The following MGAT5 variants were observed in gnomAD, a reference collection of about 807,000 sequenced individuals.
MGAT5 encodes the protein alpha-1,6-mannosylglycoprotein 6-beta-N-acetylglucosaminyltransferase, also known as alpha-1,6-mannosylglycoprotein 6-beta-N-acetylglucosaminyltransferase A.
In MGAT5, 30 loss-of-function variants were observed where a neutral mutation model predicts 94.3. The observed-to-expected ratio is 0.32, with a 90% CI of 0.24 to 0.43. The LOEUF is 0.43. Among genes scored for constraint, MGAT5 ranks in the 20% least tolerant of loss-of-function variants. MGAT5 has a pLI of 1.00. For synonymous variants in MGAT5, 310 were observed against 322.9 expected (o/e 0.96, Z 0.43); for missense variants, 691 against 905.5 (o/e 0.76, Z 3.04).
chr2:134,387,326 A>AT (rs1207478645), intron 10 of MGAT5, among the ~76,000 whole-genome samples: 43 of 36,736 alleles, frequency 1.2e-3, no homozygotes, highest in African/African-American at 2.1e-3. Flanking sequence ...ATATATATAT[A>AT]TATATATTTT....
chr2:134,199,106 G>GA (rs1312598598), intron 1 of MGAT5, among the ~76,000 whole-genome samples: 10 of 152,204 alleles, frequency 6.6e-5, no homozygotes, highest in African/African-American at 1.9e-4. Flanking sequence ...TGATAGATTT[G>GA]AAAGTAAACA....
chr2:134,393,762 C>T (rs943679016), intron 10 of MGAT5, among the ~76,000 whole-genome samples: 9 of 152,252 alleles, frequency 5.9e-5, no homozygotes, highest in Middle Eastern at 3.4e-3. Context: ...GACTCTGTGC[C>T]GCCATGCTTC....
intron 13 of MGAT5, among the ~76,000 whole-genome samples, chr2:134,426,091 T>C (rs986543922): frequency 2.0e-5 from 3 of 152,146 alleles, no homozygotes; most frequent in Middle Eastern, 6.8e-3. Context: ...CAGTCCACAT[T>C]AACAGCTGTC....
At chr2:134,443,449 C>T (rs545172538) in intron 15 of MGAT5, among the ~76,000 whole-genome samples, 2 of 152,324 alleles carry the variant, frequency 1.3e-5, no homozygotes, top group African/African-American at 4.8e-5. Flanking sequence ...GCCTAGGCCT[C>T]CCAAAGTGCT....
At chr2:134,405,538 T>G (rs546377668) in intron 11 of MGAT5, among the ~76,000 whole-genome samples, 37 of 152,238 alleles carry the variant, frequency 2.4e-4, no homozygotes, top group Non-Finnish European at 4.6e-4. Context: ...TAACCCTTTC[T>G]GTCTCTGACT....
intron 1 of MGAT5, among the ~76,000 whole-genome samples, chr2:134,162,006 C>A (rs939424176): frequency 2.0e-5 from 3 of 151,520 alleles, no homozygotes; most frequent in African/African-American, 7.3e-5. Flanking sequence ...GCCTGGCCAA[C>A]ATGGTGAAAC....
At chr2:134,433,343 G>A (rs1357533837) in intron 14 of MGAT5, among the ~76,000 whole-genome samples, 1 of 152,232 alleles carries the variant, frequency 6.6e-6, no homozygotes, top group Non-Finnish European at 1.5e-5. Flanking sequence ...GGTAGGTGCT[G>A]TTGTGAACAT....
intron 15 of MGAT5, among the ~76,000 whole-genome samples, chr2:134,443,177 GT>G (rs369089887): frequency 3.5e-5 from 3 of 85,760 alleles, no homozygotes; most frequent in African/African-American, 1.4e-4. Context: ...TGTAAGCTAT[GT>G]TTTTTTTTGT....
chr2:134,433,984 CTG>C (rs1685029128), intron 14 of MGAT5, among the ~76,000 whole-genome samples: 1 of 152,092 alleles, frequency 6.6e-6, no homozygotes, highest in Non-Finnish European at 1.5e-5. Context: ...ATTAGTAACT[CTG>C]TGAAAGAGTT....
intron 12 of MGAT5, among the ~76,000 whole-genome samples, chr2:134,414,668 C>G (rs183047610): frequency 7.2e-4 from 110 of 152,290 alleles, no homozygotes; most frequent in South Asian, 1.2e-3. Context: ...GTATGCAATA[C>G]AGTATTGTTA....
At chr2:134,292,037 TG>T (rs1322413146) in intron 2 of MGAT5, among the ~76,000 whole-genome samples, 2 of 152,094 alleles carry the variant, frequency 1.3e-5, no homozygotes, top group Non-Finnish European at 2.9e-5. Flanking sequence ...ATTTTTTTTT[TG>T]TTTAGAGATG....
At chr2:134,233,110 A>G (rs1255530514) in intron 1 of MGAT5, among the ~76,000 whole-genome samples, 2 of 152,214 alleles carry the variant, frequency 1.3e-5, no homozygotes, top group African/African-American at 4.8e-5. Context: ...TTTTCCAGGT[A>G]TGTGTAAATC....
intron 1 of MGAT5, among the ~76,000 whole-genome samples, chr2:134,177,085 G>C (rs1688500861): frequency 7.0e-6 from 1 of 142,416 alleles, no homozygotes. Context: ...CCAGATATCT[G>C]ACCCACTCAT....
rs182264209 is a variant in MGAT5, at chr2:134,448,703, C to T, written c.2082C>T (p.Ser694=). ...SELAKDILVP[S]FDPKNKHCVF... is the part of the protein sequence containing the mutation. Reference sequence around the variant, plus strand: ...TGGCCAAGGACATCCTGGTGCCCTCCTTTGACCCTAAGAATAAGCACTGTG... The same window carrying T: ...TGGCCAAGGACATCCTGGTGCCCTCTTTTGACCCTAAGAATAAGCACTGTG... Residue 694 remains serine (S), a synonymous_variant, in exon 16 of 16, where the codon TCC becomes TCT. Transcript: ENST00000281923. 1 of 1,614,242 alleles carries T rather than the reference C, an allele frequency of 6.2e-7. No individual in the cohort carries two copies. The highest frequency in any genetic ancestry group is 8.5e-7 in the Non-Finnish European group (1 of 1,180,042).
intron 2 of MGAT5, among the ~76,000 whole-genome samples, chr2:134,306,591 TC>T (rs1686342579): frequency 6.6e-6 from 1 of 152,080 alleles, no homozygotes; most frequent in South Asian, 2.1e-4. Context: ...AATCTCTCCT[TC>T]TCATGGCTTT....
intron 1 of MGAT5, among the ~76,000 whole-genome samples, chr2:134,166,372 G>A (rs1687965502): frequency 1.3e-5 from 2 of 152,286 alleles, no homozygotes; most frequent in South Asian, 2.1e-4. Flanking sequence ...TCCTCTCCCC[G>A]AGGAGTATTA....
intron 1 of MGAT5, among the ~76,000 whole-genome samples, chr2:134,167,550 G>A (rs1269270355): frequency 1.3e-5 from 2 of 152,082 alleles, no homozygotes; most frequent in Admixed American, 1.3e-4. Flanking sequence ...GCCGGTTCGG[G>A]GTCTACACTT....
chr2:134,365,457 A>G (rs915759487), intron 10 of MGAT5, among the ~76,000 whole-genome samples: 1 of 152,224 alleles, frequency 6.6e-6, no homozygotes, highest in African/African-American at 2.4e-5. Flanking sequence ...AGTCACTGAG[A>G]GTGAGCCATG....
At chr2:134,271,529 T>C (rs1047571461) in intron 2 of MGAT5, among the ~76,000 whole-genome samples, 28 of 152,194 alleles carry the variant, frequency 1.8e-4, no homozygotes, top group Admixed American at 7.9e-4. Context: ...TTCCTTTCCC[T>C]TTTGCTTGTA....
Sources: gnomAD v4.1 joint callset for allele counts (sites outside exome capture counted in the v4.1 genomes callset) on GRCh38, gnomAD v4.1.1 for gene constraint, MANE v1.5 for transcripts, NCBI Gene and HGNC (gene_info 2026-07-23, HGNC 2026-07-21) for gene names.